The following KIFC3 variants were observed in gnomAD, a reference collection of about 807,000 sequenced individuals.
KIFC3 encodes kinesin family member C3.
A neutral mutation model predicts 101.8 loss-of-function variants in KIFC3; 60 were observed. That is an observed-to-expected ratio of 0.59 (90% CI 0.48 to 0.73). The LOEUF is 0.73. KIFC3 is among the 30% of genes least tolerant of loss of function. The pLI is 0.00. For missense variants in KIFC3, 966 were observed against 1,137.1 expected (o/e 0.85, Z 2.16); for synonymous variants, 476 against 482.7 (o/e 0.99, Z 0.18).
upstream of KIFC3, among the ~76,000 whole-genome samples, chr16:57,803,936 A>T (rs1462830863): frequency 3.3e-5 from 5 of 152,114 alleles, no homozygotes; most frequent in Non-Finnish European, 7.4e-5. Flanking sequence ...TGTCTCTAGA[A>T]TTCTGATTTA....
At chr16:57,760,210 T>A (rs2049671446) in intron 17 of KIFC3, 72 bp downstream of exon 17, 17 of 1,538,120 alleles carry the variant, frequency 1.1e-5, no homozygotes, top group Non-Finnish European at 8.8e-7. Context: ...CCCGCCCAGC[T>A]CCCTGCTCCT....
chr16:57,816,474 A>C, intron 1 of KIFC3: 1 of 458,572 alleles, frequency 2.2e-6, no homozygotes, highest in Non-Finnish European at 4.4e-6. Flanking sequence ...GAGCTGCCGA[A>C]GTGACTCACG....
chr16:57,770,292 T>C (rs905309883), intron 7 of KIFC3, among the ~76,000 whole-genome samples: 1 of 152,232 alleles, frequency 6.6e-6, no homozygotes, highest in African/African-American at 2.4e-5. Flanking sequence ...GCACAAAGCT[T>C]CTTGGGATGA....
intron 1 of KIFC3, among the ~76,000 whole-genome samples, chr16:57,859,241 C>CG (rs2056242791): frequency 6.6e-6 from 1 of 152,158 alleles, no homozygotes; most frequent in Admixed American, 6.6e-5. Flanking sequence ...TGATGGGCAG[C>CG]AAAGATAATA....
chr16:57,804,731 A>G (rs2149247685), upstream of KIFC3, among the ~76,000 whole-genome samples: 1 of 151,894 alleles, frequency 6.6e-6, no homozygotes, highest in South Asian at 2.1e-4. Context: ...CTGGGACTAC[A>G]GGCACACACC....
chr16:57,783,181 T>C (rs985910310), intron 3 of KIFC3, among the ~76,000 whole-genome samples: 1 of 152,208 alleles, frequency 6.6e-6, no homozygotes, highest in African/African-American at 2.4e-5. Flanking sequence ...AAAAACCTCT[T>C]TAAAGTCACA....
rs559350500 is a variant in KIFC3, at chr16:57,762,165, C to T, written c.1723G>A (p.Ala575Thr). 4 of 1,607,332 alleles carry T rather than the reference C, an allele frequency of 2.5e-6. No homozygotes were observed. The highest frequency in any genetic ancestry group is 2.7e-5 in the African/African-American group (2 of 74,558). ...CTGAGGACCTCATTGTAGATCTCCGCAGCGCTGACGGTGATGGTGTACTCC... is the reference window on the plus strand; with the variant it reads ...CTGAGGACCTCATTGTAGATCTCCGTAGCGCTGACGGTGATGGTGTACTCC... ...DWEYTITVSAAEIYNEVLRDL... is the reference protein window; with the variant it reads ...DWEYTITVSATEIYNEVLRDL... Residue 575 changes from alanine (A) to threonine (T), a missense_variant, in exon 13 of 20, where the codon GCG becomes ACG. Physicochemically the swap from Ala to Thr is moderately conservative, Grantham distance 58. Transcript: ENST00000445690.
At chr16:57,847,268 A>AGGGAAGG (rs1555482763) in intron 1 of KIFC3, among the ~76,000 whole-genome samples, 6 of 58,572 alleles carry the variant, frequency 1.0e-4, no homozygotes, top group African/African-American at 5.3e-4. Context: ...GGAAGGAAGG[A>AGGGAAGG]AGGGAAGGGA....
chr16:57,816,622 T>C (rs1232281220), intron 1 of KIFC3: 1 of 456,534 alleles, frequency 2.2e-6, no homozygotes, highest in Non-Finnish European at 4.4e-6. Context: ...TGAGCTGTGC[T>C]CCAGAAACCA....
intron 1 of KIFC3, among the ~76,000 whole-genome samples, chr16:57,842,156 TGC>T (rs2055828165): frequency 6.6e-6 from 1 of 151,596 alleles, no homozygotes; most frequent in Non-Finnish European, 1.5e-5. Context: ...GCTGAGATCG[TGC>T]CACTGCACTC....
At chr16:57,818,086 T>A (rs1400812811) in intron 1 of KIFC3, among the ~76,000 whole-genome samples, 1 of 152,054 alleles carries the variant, frequency 6.6e-6, no homozygotes, top group Non-Finnish European at 1.5e-5. Context: ...TGGAGTGCAG[T>A]GGCGTGATCT....
intron 1 of KIFC3, among the ~76,000 whole-genome samples, chr16:57,829,815 C>T (rs1031174592): frequency 2.3e-4 from 35 of 152,298 alleles, no homozygotes; most frequent in African/African-American, 8.2e-4. Context: ...CACTCAGCCA[C>T]AGGCATTTGC....
chr16:57,862,380 T>C (rs1327619781), intron 1 of KIFC3, among the ~76,000 whole-genome samples: 1 of 152,114 alleles, frequency 6.6e-6, no homozygotes, highest in African/African-American at 2.4e-5. Flanking sequence ...GAATTGTTTA[T>C]TTCTGGAATT....
intron 2 of KIFC3, among the ~76,000 whole-genome samples, chr16:57,796,976 C>T (rs1278615499): frequency 1.3e-5 from 2 of 152,254 alleles, no homozygotes; most frequent in African/African-American, 4.8e-5. Flanking sequence ...AACTGGGCTA[C>T]CTGGCCCAAA....
chr16:57,801,847 C>CGGCTGTCAA (rs2054746825), intron 1 of KIFC3, among the ~76,000 whole-genome samples: 2 of 152,264 alleles, frequency 1.3e-5, no homozygotes, highest in Non-Finnish European at 2.9e-5. Context: ...ACAACTGCTG[C>CGGCTGTCAA]GGCTGTCAAT....
chr16:57,792,680 C>T (rs139922864), intron 3 of KIFC3, among the ~76,000 whole-genome samples: 61 of 151,482 alleles, frequency 4.0e-4, no homozygotes, highest in African/African-American at 1.2e-3. Flanking sequence ...CCCACAAGTT[C>T]GGGACCAGCC....
intron 1 of KIFC3, among the ~76,000 whole-genome samples, chr16:57,854,712 T>C (rs2056128948): frequency 6.6e-6 from 1 of 151,840 alleles, no homozygotes; most frequent in African/African-American, 2.4e-5. Flanking sequence ...CTAACTGACA[T>C]TCCTGGAATA....
At chr16:57,843,621 G>A (rs1329177443) in intron 1 of KIFC3, among the ~76,000 whole-genome samples, 2 of 151,998 alleles carry the variant, frequency 1.3e-5, no homozygotes, top group South Asian at 2.1e-4. Flanking sequence ...GACTAGCCTG[G>A]GCAACACAGC....
chr16:57,815,607 G>A (rs1475971550), intron 1 of KIFC3: 2 of 1,289,816 alleles, frequency 1.6e-6, no homozygotes, highest in Non-Finnish European at 2.0e-6. Context: ...CCCCCACATG[G>A]CTGCTGCACC....
Sources: allele counts gnomAD v4.1 joint callset (sites outside exome capture counted in the v4.1 genomes callset), GRCh38; gene constraint gnomAD v4.1.1; transcripts MANE v1.5; gene names NCBI Gene and HGNC (gene_info 2026-07-23, HGNC 2026-07-21).